The following CHRNB3 variants were observed in gnomAD, a reference collection of about 807,000 sequenced individuals.
The protein encoded by CHRNB3 is cholinergic receptor nicotinic beta 3 subunit, also known as neuronal acetylcholine receptor subunit beta-3.
Under a neutral mutation model 40.6 loss-of-function variants are expected in CHRNB3, and 37 were observed. The observed-to-expected ratio is 0.91, with a 90% CI of 0.70 to 1.20. The LOEUF is 1.20. CHRNB3 is among the 50% of genes most tolerant of loss of function. CHRNB3 has a pLI of 0.00. For synonymous variants in CHRNB3, 207 were observed against 207.1 expected, an observed-to-expected ratio of 1.00 and a Z score of 0.00; for missense variants, 505 against 551.2, an observed-to-expected ratio of 0.92 and a Z score of 0.84.
chr8:42,703,435 A>AAAAATATATATATAT, intron 1 of CHRNB3, among the ~76,000 whole-genome samples: 9 of 47,410 alleles, frequency 1.9e-4, no homozygotes, highest in Admixed American at 9.3e-4. Flanking sequence ...AAAAAAAAAA[A>AAAAATATATATATAT]ATATTTATAT....
intron 2 of CHRNB3, 92 bp from the exon 3 acceptor site, chr8:42,710,298 A>C: frequency 1.0e-6 from 1 of 990,060 alleles, no homozygotes; most frequent in Non-Finnish European, 1.5e-6. Flanking sequence ...AGCCTGGGCA[A>C]CATCTTGAGA....
At position 42,731,677 on chromosome 8, in the gene CHRNB3, C is replaced by T. The variant is rs745572319; in HGVS notation, c.370C>T (p.Arg124Cys). 6.9e-6 allele frequency: 11 copies of T among 1,605,514 alleles called. 1 individual carries two copies. Among genetic ancestry groups the T allele is most frequent in the Non-Finnish European group, 8.5e-6 (10 of 1,175,364 alleles). The change falls in exon 5 of 6, where the codon CGC (arginine) becomes TGC (cysteine). Residue 124 changes from arginine to cysteine, a missense_variant. Transcript: ENST00000289957. ...DIVLFENADGRFEGSLMTKVI... is the reference protein window; with the variant it reads ...DIVLFENADGCFEGSLMTKVI... ...CTGCTTTGATTGCAGTGCTGACGGC[C>T]GCTTCGAAGGCTCCCTGATGACCAA...
At chr8:42,702,199 G>A (rs1815818789) in intron 1 of CHRNB3, among the ~76,000 whole-genome samples, 1 of 152,084 alleles carries the variant, frequency 6.6e-6, no homozygotes, top group Non-Finnish European at 1.5e-5. Flanking sequence ...CCTCCGAACT[G>A]AAGCCTTCAC....
chr8:42,698,842 A>G (rs1215199609), intron 1 of CHRNB3, among the ~76,000 whole-genome samples: 4 of 152,264 alleles, frequency 2.6e-5, no homozygotes, highest in Admixed American at 2.0e-4. Context: ...ATTTCTCTCA[A>G]TGGTTAGCGA....
At position 42,714,207 on chromosome 8, in the gene CHRNB3, G is replaced by T. The variant is rs183437315; in HGVS notation, c.249+3773G>T. On this transcript the variant is annotated intron_variant, in intron 3 of 5. Transcript: ENST00000289957. ...GTTATTTTTATGCTTTTTAAAAAGA[G>T]CTTTTTGGCCGGGCGTGGTGGCTCA... Among the ~76,000 whole-genome samples, 441 of 152,218 alleles carry T rather than the reference G, an allele frequency of 2.9e-3. 1 individual carries two copies. Among genetic ancestry groups the T allele is most frequent in the Middle Eastern group, 0.02 (6 of 294 alleles).
At chr8:42,709,884 G>A (rs1354049291) in intron 2 of CHRNB3, among the ~76,000 whole-genome samples, 2 of 152,152 alleles carry the variant, frequency 1.3e-5, no homozygotes, top group South Asian at 2.1e-4. Flanking sequence ...CACCCGCCTC[G>A]GCCTCCCAAA....
At chr8:42,715,475 CT>C (rs1788070114) in intron 3 of CHRNB3, among the ~76,000 whole-genome samples, 1 of 152,174 alleles carries the variant, frequency 6.6e-6, no homozygotes, top group Non-Finnish European at 1.5e-5. Flanking sequence ...CCAATTCCCC[CT>C]CTTTCCTCAT....
At chr8:42,700,941 A>C (rs1815782112) in intron 1 of CHRNB3, among the ~76,000 whole-genome samples, 1 of 152,152 alleles carries the variant, frequency 6.6e-6, no homozygotes, top group Non-Finnish European at 1.5e-5. Context: ...AATCAAGAAT[A>C]AAGAGACTGG....
At chr8:42,721,411 C>T (rs77142367) in intron 3 of CHRNB3, among the ~76,000 whole-genome samples, 1,658 of 152,186 alleles carry the variant, frequency 0.011, 38 homozygotes, top group African/African-American at 0.038. Context: ...AGGATGTCTA[C>T]ATCAACTCCA....
intron 5 of CHRNB3, among the ~76,000 whole-genome samples, chr8:42,733,595 T>C (rs1050594784): frequency 2.1e-3 from 12 of 5,724 alleles, no homozygotes; most frequent in South Asian, 0.012. Flanking sequence ...CCTTCTTCTT[T>C]TTTTTTTTTT....
intron 1 of CHRNB3, among the ~76,000 whole-genome samples, chr8:42,703,438 ATT>A (rs56238870): frequency 0.097 from 6,718 of 68,942 alleles, 1,394 homozygotes; most frequent in Non-Finnish European, 0.14. Flanking sequence ...AAAAAAAAAT[ATT>A]TATATATATA....
chr8:42,709,893 A>G (rs1453949377), intron 2 of CHRNB3, among the ~76,000 whole-genome samples: 4 of 152,074 alleles, frequency 2.6e-5, no homozygotes, highest in Non-Finnish European at 5.9e-5. Context: ...CGGCCTCCCA[A>G]AGTACTGGGA....
At chr8:42,732,668 C>T (rs1322197431) in intron 5 of CHRNB3, 119 bp downstream of exon 5, 1 of 924,478 alleles carries the variant, frequency 1.1e-6, no homozygotes, top group Non-Finnish European at 1.5e-6. Flanking sequence ...ATAAGACATG[C>T]TTTTTATACA....
At chr8:42,727,589 C>T (rs118073227) in intron 3 of CHRNB3, among the ~76,000 whole-genome samples, 4,886 of 152,168 alleles carry the variant, frequency 0.032, 126 homozygotes, top group Middle Eastern at 0.11. Flanking sequence ...ATTCCTGCAC[C>T]TTTATAAAAG....
Position 42,736,568 on chromosome 8 carries a change from G to A in CHRNB3, c.1327G>A (p.Val443Ile), listed in dbSNP as rs1197000501. The A allele has an allele frequency of 1.9e-6, 3 of 1,614,090 alleles. No individual in the cohort carries two copies. In the South Asian group the frequency reaches 3.3e-5, roughly 18 times the overall value. The change falls in exon 6 of 6, where the codon GTT becomes ATT. Residue 443 changes from valine to isoleucine, a missense_variant. Physicochemically the swap from Val to Ile is conservative, Grantham distance 29 (BLOSUM62 3). Transcript: ENST00000289957. ...LFLIVSVTGS[V>I]LIFTPALKMW... is the part of the protein sequence containing the mutation. ...TCTGATAGTGTCAGTAACAGGCTCG[G>A]TTCTGATTTTTACCCCTGCTTTGAA... is the stretch of plus-strand genomic sequence containing the variant.
intron 4 of CHRNB3, among the ~76,000 whole-genome samples, chr8:42,730,985 T>C (rs1816405094): frequency 6.9e-6 from 1 of 145,802 alleles, no homozygotes; most frequent in East Asian, 2.0e-4. Context: ...GAAGCGGAGC[T>C]TGCAGTGAGC....
At chr8:42,724,175 T>A (rs1308886165) in intron 3 of CHRNB3, among the ~76,000 whole-genome samples, 1 of 151,640 alleles carries the variant, frequency 6.6e-6, no homozygotes, top group Non-Finnish European at 1.5e-5. Context: ...GGCGGGCAGA[T>A]CACCTGGTCA....
At chr8:42,730,499 A>T in intron 3 of CHRNB3, 95 bp from the exon 4 acceptor site, 1 of 747,116 alleles carries the variant, frequency 1.3e-6, no homozygotes. Flanking sequence ...TCTTAATAAA[A>T]CAGTGGCTTG....
chr8:42,716,345 C>G (rs1353943956), intron 3 of CHRNB3, among the ~76,000 whole-genome samples: 1 of 152,088 alleles, frequency 6.6e-6, no homozygotes, highest in African/African-American at 2.4e-5. Flanking sequence ...GAAATAATCA[C>G]TATGACAACA....
Sources: gnomAD v4.1 joint callset for allele counts (sites outside exome capture counted in the v4.1 genomes callset) on GRCh38, gnomAD v4.1.1 for gene constraint, MANE v1.5 for transcripts, NCBI Gene and HGNC (gene_info 2026-07-23, HGNC 2026-07-21) for gene names.